SQSTM1: variants seen among roughly 807,000 people sequenced by gnomAD.
The protein encoded by SQSTM1 is sequestosome 1.
Under a neutral mutation model 45.1 loss-of-function variants are expected in SQSTM1, and 36 were observed. The observed-to-expected ratio is 0.80, with a 90% CI of 0.61 to 1.05. SQSTM1 has a LOEUF of 1.05. Among genes scored for constraint, SQSTM1 ranks in the 50% least tolerant of loss-of-function variants. The pLI is 0.00. For missense variants in SQSTM1, 617 were observed against 607.1 expected (o/e 1.02, Z -0.17); for synonymous variants, 290 against 244.3 (o/e 1.19, Z -1.74).
chr5:179,816,087 C>T (rs1015233957), upstream of SQSTM1, among the ~76,000 whole-genome samples: 4 of 152,102 alleles, frequency 2.6e-5, no homozygotes, highest in Non-Finnish European at 4.4e-5. Context: ...TCCTGGGGTG[C>T]GGGCCCTGCT....
chr5:179,808,288 C>A (rs899284299), intron 1 of SQSTM1: 7 of 152,280 alleles, frequency 4.6e-5, no homozygotes, highest in African/African-American at 1.7e-4. Flanking sequence ...AGGGGGTGGC[C>A]GAGCCAGAGG....
chr5:179,824,997 G>A, intron 4 of SQSTM1, 149 bp from the exon 5 acceptor site: 2 of 736,726 alleles, frequency 2.7e-6, no homozygotes, highest in Non-Finnish European at 2.4e-6. Context: ...TGGGAGGAAG[G>A]AGAGGGGGAT....
At chr5:179,814,893 G>C (rs1479839692), upstream of SQSTM1, among the ~76,000 whole-genome samples, 1 of 152,184 alleles carries the variant, frequency 6.6e-6, no homozygotes. Context: ...CGGCACTCCA[G>C]ACTGGGGACC....
chr5:179,813,923 G>A (rs1757507740), upstream of SQSTM1, among the ~76,000 whole-genome samples: 1 of 152,206 alleles, frequency 6.6e-6, no homozygotes, highest in African/African-American at 2.4e-5. Flanking sequence ...TTTCCTAGAA[G>A]TCCTTTGTTT....
Position 179,833,598 on chromosome 5 carries a change from G to A in SQSTM1, c.981G>A (p.Glu327=). Residue 327 remains glutamate (E), a synonymous_variant, in exon 7 of 8, where the codon GAG becomes GAA. Transcript: ENST00000389805. The stretch of plus-strand genomic sequence containing the variant: ...GAGTTTTGTTCCAGGAACAGATGGA[G>A]TCGGATAACTGTTCAGGAGGAGATG... The part of the protein sequence containing the change: ...ESEGRPEEQM[E]SDNCSGGDDD... The A allele has an allele frequency of 6.2e-7, 1 of 1,614,226 alleles. No homozygotes were observed. Among genetic ancestry groups the A allele is most frequent in the Non-Finnish European group, 8.5e-7 (1 of 1,180,038 alleles).
chr5:179,812,486 C>G (rs1429622488), intron 2 of SQSTM1: 3 of 152,280 alleles, frequency 2.0e-5, no homozygotes, highest in African/African-American at 7.2e-5. Context: ...CAGGCGCTGG[C>G]ATCTCCAGGC....
In SQSTM1 at chr5:179,837,353, A is replaced by AACAAGTGTATCTCG. The variant is rs770438256; in HGVS notation, c.*762_*775dup. On this transcript the variant is annotated 3_prime_UTR_variant, in exon 8 of 8. Transcript: ENST00000389805. Reference sequence around the variant, plus strand: ...GCCTTAGGGGAACCCTGTCCCTCCTAACAAGTGTATCTCGATTAATAACCT... The same window carrying AACAAGTGTATCTCG: ...GCCTTAGGGGAACCCTGTCCCTCCTAACAAGTGTATCTCGACAAGTGTATCTCGATTAATAACCT... 7.6e-5 allele frequency: 121 copies of AACAAGTGTATCTCG among 1,583,026 alleles called. 1 individual carries two copies. The highest frequency in any genetic ancestry group is 1.8e-4 in the Admixed American group (10 of 56,412).
In SQSTM1 at chr5:179,837,219, A is replaced by C; in HGVS notation, c.*626A>C. ...TTGTAGCCATCCTGTTAAATTTGTA[A>C]ACAATCTAATTAAATGGCATCAGCA... On this transcript the variant is annotated 3_prime_UTR_variant, in exon 8 of 8. Coordinates refer to ENST00000389805, the MANE Select transcript of SQSTM1 (RefSeq NM_003900.5). 6.3e-7 allele frequency: 1 copy of C among 1,585,668 alleles called. No homozygotes were observed. Among genetic ancestry groups the C allele is most frequent in the South Asian group, 1.1e-5 (1 of 89,926 alleles).
chr5:179,812,602 C>T (rs1276058529), intron 2 of SQSTM1: 1 of 152,236 alleles, frequency 6.6e-6, no homozygotes, highest in African/African-American at 2.4e-5. Context: ...ATGGAAGTGT[C>T]GAGGCCATTT....
At chr5:179,811,472 C>CTT (rs1757400849) in intron 1 of SQSTM1, 1 of 151,992 alleles carries the variant, frequency 6.6e-6, no homozygotes, top group African/African-American at 2.4e-5. Context: ...ATCTGGGAGG[C>CTT]GAGAAACCAG....
chr5:179,823,322 C>T (rs370409089), intron 2 of SQSTM1, among the ~76,000 whole-genome samples: 3 of 151,350 alleles, frequency 2.0e-5, no homozygotes, highest in Admixed American at 6.6e-5. Flanking sequence ...AAAAATTAGC[C>T]GGGTGTGGTG....
chr5:179,833,540 G>A (rs551645974), intron 6 of SQSTM1, 47 bp from the exon 7 acceptor site: 2 of 1,604,058 alleles, frequency 1.2e-6, no homozygotes, highest in African/African-American at 2.7e-5. Context: ...GTCAGGCTTG[G>A]CCTGTTGCGC....
chr5:179,838,036 T>C lies in SQSTM1; in HGVS notation c.*1443T>C, dbSNP rs1338579504. 4 of 701,734 alleles carry C rather than the reference T, an allele frequency of 5.7e-6. No individual in the cohort carries two copies. In the African/African-American group the frequency reaches 7.2e-5, roughly 13 times the overall value. 43.5% of individuals were successfully genotyped at this position (701,734 alleles called of 1,614,324 possible). A position where few individuals can be genotyped will look rare whatever the true frequency, so the allele number is the denominator to read the frequency against. Reference sequence around the variant, plus strand: ...CTGGGACAGGCTTTGATTTTGAGGGTTAGCAAGACAAAGCAAATAAATGCC... The same window carrying C: ...CTGGGACAGGCTTTGATTTTGAGGGCTAGCAAGACAAAGCAAATAAATGCC... On this transcript the variant is annotated 3_prime_UTR_variant, in exon 8 of 8. Transcript: ENST00000389805.
In SQSTM1 at chr5:179,822,947, A is replaced by G. The variant is rs1417149265; in HGVS notation, c.206-11A>G. The G allele has an allele frequency of 4.3e-6, 7 of 1,613,616 alleles. No individual in the cohort carries two copies. Among genetic ancestry groups the G allele is most frequent in the South Asian group, 2.2e-5 (2 of 91,080 alleles). ...CCTGGGTGCTCACGTGCTGTCTTTT[A>G]AACAATCTAGATGAGGACGGGGACT... On this transcript the variant is annotated splice_polypyrimidine_tract_variant and intron_variant, in intron 1 of 7. Transcript: ENST00000389805.
Position 179,820,974 on chromosome 5 carries a change from A to G in SQSTM1, c.38A>G (p.Lys13Arg). 6.3e-7 allele frequency: 1 copy of G among 1,575,472 alleles called. No homozygotes were observed. The highest frequency in any genetic ancestry group is 1.7e-5 in the Admixed American group (1 of 57,888). ...SLTVKAYLLG[K>R]EDAAREIRRF... ...ACCGTGAAGGCCTACCTTCTGGGCA[A>G]GGAGGACGCGGCGCGCGAGATTCGC... The change falls in exon 1 of 8, where the codon AAG becomes AGG. Residue 13 changes from lysine to arginine, a missense_variant. Physicochemically the swap from Lys to Arg is conservative, Grantham distance 26. Coordinates refer to ENST00000389805, the MANE Select transcript of SQSTM1 (RefSeq NM_003900.5).
Position 179,833,050 on chromosome 5 carries a change from A to ATG in SQSTM1, c.776_777dup (p.Glu260TrpfsTer10). 1 of 1,614,130 alleles carries ATG rather than the reference A, an allele frequency of 6.2e-7. No individual in the cohort carries two copies. The highest frequency in any genetic ancestry group is 8.5e-7 in the Non-Finnish European group (1 of 1,180,014). On this transcript the variant is annotated frameshift_variant, in exon 6 of 8. Transcript: ENST00000389805. LOFTEE classifies it high-confidence loss of function. ...CCTCTAGGCATTGAAGTTGATATCG[A>ATG]TGTGGAGCACGGAGGGAAAAGAAGC... is the stretch of plus-strand genomic sequence containing the variant.
chr5:179,837,034 G>A lies in SQSTM1; in HGVS notation c.*441G>A. ...AAGTAAGCCTAGGTGTTGTCAGCAG[G>A]CAGGCTGGGGAGGCCAGTGTTGTGG... On this transcript the variant is annotated 3_prime_UTR_variant, in exon 8 of 8. Coordinates refer to ENST00000389805, the MANE Select transcript of SQSTM1 (RefSeq NM_003900.5). The A allele has an allele frequency of 1.6e-6, 1 of 638,068 alleles. No homozygotes were observed. Among genetic ancestry groups the A allele is most frequent in the African/African-American group, 1.8e-5 (1 of 54,710 alleles). 39.5% of individuals were successfully genotyped at this position (638,068 alleles called of 1,614,324 possible). A position where few individuals can be genotyped will look rare whatever the true frequency, so the allele number is the denominator to read the frequency against.
chr5:179,826,314 G>A (rs781163408), intron 5 of SQSTM1, among the ~76,000 whole-genome samples: 12 of 151,866 alleles, frequency 7.9e-5, no homozygotes, highest in Non-Finnish European at 1.6e-4. Context: ...ACAGGTACCC[G>A]CCACCACGCC....
At position 179,833,020 on chromosome 5, in the gene SQSTM1, C is replaced by T. The variant is rs1043468451; in HGVS notation, c.755-12C>T. 4.3e-6 allele frequency: 7 copies of T among 1,613,970 alleles called. No homozygotes were observed. The Admixed American group carries it at 8.3e-5, about 19-fold the overall frequency. On this transcript the variant is annotated splice_polypyrimidine_tract_variant and intron_variant, in intron 5 of 7. Coordinates refer to ENST00000389805, the MANE Select transcript of SQSTM1 (RefSeq NM_003900.5). ...GAACTTCACGGCTTGCTCTTTCCTC[C>T]TCCGCCTCTAGGCATTGAAGTTGAT...
Sources: gnomAD v4.1 joint callset for allele counts (sites outside exome capture counted in the v4.1 genomes callset) on GRCh38, gnomAD v4.1.1 for gene constraint, MANE v1.5 for transcripts, NCBI Gene and HGNC (gene_info 2026-07-23, HGNC 2026-07-21) for gene names.